MACROD2: variants seen among roughly 807,000 people sequenced by gnomAD.
The protein encoded by MACROD2 is mono-ADP ribosylhydrolase 2.
MACROD2 carries 36 observed loss-of-function variants against 70.4 expected under a neutral mutation model. The observed-to-expected ratio is 0.51, with a 90% CI of 0.39 to 0.68. The LOEUF is 0.68. MACROD2 is among the 30% of genes least tolerant of loss of function. The probability of loss-of-function intolerance (pLI) is 0.00; values close to 1 mark genes in which losing one functional copy is unlikely to be tolerated. For missense variants in MACROD2, 496 were observed against 538.4 expected, an observed-to-expected ratio of 0.92 and a Z score of 0.78; for synonymous variants, 172 against 178.8, an observed-to-expected ratio of 0.96 and a Z score of 0.30.
intron 2 of MACROD2, among the ~76,000 whole-genome samples, chr20:14,066,606 A>C (rs960778361): frequency 2.0e-5 from 3 of 152,150 alleles, no homozygotes; most frequent in African/African-American, 7.2e-5. Flanking sequence ...ATGTATATGT[A>C]ACAGACAAAA....
intron 8 of MACROD2, among the ~76,000 whole-genome samples, chr20:15,860,353 A>C (rs1361701708): frequency 6.6e-6 from 1 of 152,196 alleles, no homozygotes; most frequent in African/African-American, 2.4e-5. Context: ...TCAGATCTGC[A>C]TTAAGCCAAA....
intron 8 of MACROD2, among the ~76,000 whole-genome samples, chr20:15,562,541 TTG>T (rs976647552): frequency 6.6e-6 from 1 of 152,000 alleles, no homozygotes. Context: ...AAGGTAATGT[TTG>T]TGTGTGTGTG....
At chr20:14,232,357 T>A (rs1269642418) in intron 3 of MACROD2, among the ~76,000 whole-genome samples, 1 of 152,244 alleles carries the variant, frequency 6.6e-6, no homozygotes, top group Non-Finnish European at 1.5e-5. Context: ...ACTTCTCCCC[T>A]CTGGCTATGA....
chr20:14,838,615 A>G (rs2073055478), intron 5 of MACROD2, among the ~76,000 whole-genome samples: 1 of 152,198 alleles, frequency 6.6e-6, no homozygotes, highest in Admixed American at 6.5e-5. Flanking sequence ...TCTTTTTAAA[A>G]AAATAAATTT....
At chr20:14,062,058 TCTGTGAAG>T (rs2053696949) in intron 2 of MACROD2, among the ~76,000 whole-genome samples, 1 of 152,190 alleles carries the variant, frequency 6.6e-6, no homozygotes, top group Admixed American at 6.5e-5. Flanking sequence ...AGAATAGTGA[TCTGTGAAG>T]CAGGAAATTA....
chr20:14,788,942 T>A (rs1477063209), intron 5 of MACROD2, among the ~76,000 whole-genome samples: 1 of 151,834 alleles, frequency 6.6e-6, no homozygotes, highest in African/African-American at 2.4e-5. Flanking sequence ...CTAATTTTTG[T>A]ATTTTTAATA....
In MACROD2 at chr20:15,065,654, C is replaced by CAA. The variant is rs554222351; in HGVS notation, c.419-164270_419-164269dup. ...GGGCGACAGAGCGAGACTCCGTCTCCAAAAAAAAAAAAAAAAAGAGAAAGT... is the reference window on the plus strand; with the variant it reads ...GGGCGACAGAGCGAGACTCCGTCTCCAAAAAAAAAAAAAAAAAAAGAGAAAGT... On this transcript the variant is annotated intron_variant, in intron 5 of 17. Coordinates refer to ENST00000684519, the MANE Select transcript of MACROD2 (RefSeq NM_001351661.2). Among the ~76,000 whole-genome samples, 18 of 94,996 alleles carry CAA rather than the reference C, an allele frequency of 1.9e-4. No individual in the cohort carries two copies. In the South Asian group the frequency reaches 2.5e-3, roughly 13 times the overall value. 62.3% of individuals were successfully genotyped at this position (94,996 alleles called of 152,430 possible).
At chr20:15,998,877 T>C (rs1014188474) in intron 15 of MACROD2, among the ~76,000 whole-genome samples, 7 of 152,146 alleles carry the variant, frequency 4.6e-5, no homozygotes, top group African/African-American at 1.7e-4. Context: ...TCCTCTTTTT[T>C]CTTTAGTCAG....
At chr20:16,010,041 A>G (rs2147524401) in intron 15 of MACROD2, among the ~76,000 whole-genome samples, 1 of 152,310 alleles carries the variant, frequency 6.6e-6, no homozygotes, top group Non-Finnish European at 1.5e-5. Context: ...GCAGAAGTCC[A>G]ATTTTTCTCT....
intron 3 of MACROD2, among the ~76,000 whole-genome samples, chr20:14,470,883 AC>A (rs2084522235): frequency 1.3e-5 from 2 of 152,196 alleles, no homozygotes; most frequent in Middle Eastern, 3.4e-3. Context: ...GATCTGCTGA[AC>A]TAGACCACTT....
At chr20:15,353,368 A>T (rs1461432126) in intron 6 of MACROD2, among the ~76,000 whole-genome samples, 1 of 152,220 alleles carries the variant, frequency 6.6e-6, no homozygotes, top group Non-Finnish European at 1.5e-5. Flanking sequence ...TGGATTAAAG[A>T]CTTAAATGTT....
intron 8 of MACROD2, among the ~76,000 whole-genome samples, chr20:15,704,097 G>C (rs1283613139): frequency 2.0e-5 from 3 of 152,022 alleles, no homozygotes; most frequent in Non-Finnish European, 2.9e-5. Context: ...TCTAGTCAGG[G>C]CTTTTGCCTT....
chr20:16,003,072 ACCCACCCACC>A lies in MACROD2; in HGVS notation c.1153+15916_1153+15925del, dbSNP rs748722213. Among the ~76,000 whole-genome samples the A allele has an allele frequency of 1.5e-3, 44 of 29,778 alleles. No homozygotes were observed. The South Asian group carries it at 0.027, about 18-fold the overall frequency. 19.5% of individuals were successfully genotyped at this position (29,778 alleles called of 152,430 possible). ...CAAACAAAAACAAAATAGAAAACCC[ACCCACCCACC>A]CACACACACACACACACACACACAC... is the stretch of plus-strand genomic sequence containing the variant. On this transcript the variant is annotated intron_variant, in intron 15 of 17. Transcript: ENST00000684519.
At chr20:15,641,961 A>C (rs969063925) in intron 8 of MACROD2, among the ~76,000 whole-genome samples, 10 of 152,212 alleles carry the variant, frequency 6.6e-5, no homozygotes, top group African/African-American at 2.4e-4. Flanking sequence ...TATACTGCAA[A>C]GTCTTCTTCT....
intron 15 of MACROD2, among the ~76,000 whole-genome samples, chr20:15,987,696 G>A (rs2066506057): frequency 6.6e-6 from 1 of 152,020 alleles, no homozygotes; most frequent in Admixed American, 6.6e-5. Context: ...AAACTCAAGA[G>A]GAATGAACAC....
intron 5 of MACROD2, among the ~76,000 whole-genome samples, chr20:15,001,945 CCA>C (rs111994400): frequency 0.037 from 5,316 of 145,246 alleles, 236 homozygotes; most frequent in African/African-American, 0.1. Context: ...GTGTGCATGC[CCA>C]CACACACACA....
At position 15,969,326 on chromosome 20, in the gene MACROD2, A is replaced by G. The variant is rs774126110; in HGVS notation, c.985+1696A>G. Among the ~76,000 whole-genome samples, 37 of 152,202 alleles carry G rather than the reference A, an allele frequency of 2.4e-4. 2 individuals are homozygous for G. The highest frequency in any genetic ancestry group is 1.2e-4 in the African/African-American group (5 of 41,448). On this transcript the variant is annotated intron_variant, in intron 13 of 17. Transcript: ENST00000684519. Reference sequence around the variant, plus strand: ...CAGCACACACATAAAAAATACCCCAAAAAATGAGGGAAAAAAGGTAACATG... The same window carrying G: ...CAGCACACACATAAAAAATACCCCAGAAAATGAGGGAAAAAAGGTAACATG...
intron 8 of MACROD2, among the ~76,000 whole-genome samples, chr20:15,720,286 C>A (rs912491760): frequency 5.3e-5 from 8 of 152,200 alleles, no homozygotes; most frequent in Non-Finnish European, 1.0e-4. Context: ...CTTTGACACA[C>A]TGATTTCATT....
chr20:15,150,566 G>A (rs2076261984), intron 5 of MACROD2, among the ~76,000 whole-genome samples: 1 of 151,952 alleles, frequency 6.6e-6, no homozygotes, highest in East Asian at 1.9e-4. Context: ...GCTGTGGGAT[G>A]GGGTATTGGC....
Sources: allele counts gnomAD v4.1 joint callset (sites outside exome capture counted in the v4.1 genomes callset), GRCh38; gene constraint gnomAD v4.1.1; transcripts MANE v1.5; gene names NCBI Gene and HGNC (gene_info 2026-07-23, HGNC 2026-07-21).